The following XKR6 variants were observed in gnomAD, a reference collection of about 807,000 sequenced individuals.
XKR6 encodes the protein XK related 6.
A neutral mutation model predicts 56.7 loss-of-function variants in XKR6; 22 were observed. The observed-to-expected ratio is 0.39, with a 90% CI of 0.28 to 0.55. The LOEUF (loss-of-function observed/expected upper bound fraction) is 0.55. Ranked by LOEUF, XKR6 falls within the 20% of genes least tolerant of loss-of-function variation. The pLI, the probability that XKR6 is intolerant of heterozygous loss-of-function variation, is 0.66. For synonymous variants in XKR6, 524 were observed against 387.8 expected, an observed-to-expected ratio of 1.35 and a Z score of -4.13; for missense variants, 852 against 889.0, an observed-to-expected ratio of 0.96 and a Z score of 0.53.
chr8:11,168,783 A>G (rs1413431232), intron 1 of XKR6, among the ~76,000 whole-genome samples: 1 of 152,180 alleles, frequency 6.6e-6, no homozygotes, highest in Admixed American at 6.5e-5. Context: ...AGGCACAGAT[A>G]AGAAAACTCG....
chr8:11,029,990 C>T (rs1798955301), intron 1 of XKR6, among the ~76,000 whole-genome samples: 5 of 152,156 alleles, frequency 3.3e-5, no homozygotes, highest in African/African-American at 9.7e-5. Context: ...TCTGCAACAG[C>T]AATACCACCC....
intron 1 of XKR6, among the ~76,000 whole-genome samples, chr8:10,970,040 C>A (rs1232686158): frequency 6.6e-6 from 1 of 152,226 alleles, no homozygotes; most frequent in East Asian, 1.9e-4. Flanking sequence ...AAATGCTCGC[C>A]ACAGATGGGT....
At chr8:11,193,462 G>T (rs745901807) in intron 1 of XKR6, among the ~76,000 whole-genome samples, 4 of 152,090 alleles carry the variant, frequency 2.6e-5, no homozygotes, top group African/African-American at 4.8e-5. Context: ...ATCTCATGTA[G>T]AATTTTATGT....
rs552097212 is a variant in XKR6, at chr8:11,029,188, T to C, written c.765-104358A>G. Among the ~76,000 whole-genome samples the C allele has an allele frequency of 2.6e-3, 391 of 152,244 alleles. 22 individuals are homozygous for C. The South Asian group carries it at 0.077, about 30-fold the overall frequency. Reference sequence around the variant, plus strand: ...TCCCTCCCAGGCCCCTTCACTCTCATAGTCCCAATTTTCCTTCTGGGCTGT... The same window carrying C: ...TCCCTCCCAGGCCCCTTCACTCTCACAGTCCCAATTTTCCTTCTGGGCTGT... On this transcript the variant is annotated intron_variant, in intron 1 of 2. Coordinates refer to ENST00000416569, the MANE Select transcript of XKR6 (RefSeq NM_173683.4).
chr8:11,178,405 G>T (rs1168919929), intron 1 of XKR6, among the ~76,000 whole-genome samples: 1 of 151,694 alleles, frequency 6.6e-6, no homozygotes, highest in Non-Finnish European at 1.5e-5. Flanking sequence ...CTATGAAAGA[G>T]CACCACCTGA....
chr8:11,120,047 G>C (rs1799370245), intron 1 of XKR6, among the ~76,000 whole-genome samples: 1 of 152,068 alleles, frequency 6.6e-6, no homozygotes, highest in South Asian at 2.1e-4. Flanking sequence ...AAAATAATAA[G>C]AGCTATCTAT....
At chr8:10,976,976 C>A (rs1312881659) in intron 1 of XKR6, among the ~76,000 whole-genome samples, 1 of 152,112 alleles carries the variant, frequency 6.6e-6, no homozygotes, top group African/African-American at 2.4e-5. Flanking sequence ...GGTCGTCTTC[C>A]CCAGCCCATC....
intron 1 of XKR6, among the ~76,000 whole-genome samples, chr8:11,033,459 G>C (rs913789367): frequency 3.3e-5 from 5 of 151,922 alleles, no homozygotes; most frequent in African/African-American, 1.2e-4. Flanking sequence ...TGATGATGAT[G>C]GTAATGATGG....
At chr8:10,998,785 G>A (rs1258106637) in intron 1 of XKR6, among the ~76,000 whole-genome samples, 1 of 152,174 alleles carries the variant, frequency 6.6e-6, no homozygotes, top group East Asian at 1.9e-4. Context: ...TTTTGGTGGT[G>A]GACTCACTAG....
chr8:11,042,360 G>C (rs923071114), intron 1 of XKR6, among the ~76,000 whole-genome samples: 2 of 152,184 alleles, frequency 1.3e-5, no homozygotes, highest in East Asian at 3.9e-4. Flanking sequence ...TCATGGGAGG[G>C]ACCCGGTGGG....
intron 1 of XKR6, among the ~76,000 whole-genome samples, chr8:11,159,035 A>C (rs1321807481): frequency 6.6e-6 from 1 of 152,176 alleles, no homozygotes; most frequent in African/African-American, 2.4e-5. Flanking sequence ...TACCATTTAC[A>C]AGCTGTATGA....
intron 1 of XKR6, among the ~76,000 whole-genome samples, chr8:11,122,918 T>G (rs138422003): frequency 0.011 from 1,615 of 152,212 alleles, 17 homozygotes; most frequent in Middle Eastern, 0.037. Flanking sequence ...ACTAACACAA[T>G]AAGTTAAAAT....
At chr8:11,069,611 C>A (rs1018276522) in intron 1 of XKR6, among the ~76,000 whole-genome samples, 2 of 152,072 alleles carry the variant, frequency 1.3e-5, no homozygotes, top group Non-Finnish European at 2.9e-5. Flanking sequence ...AAAGAAAGCA[C>A]CCTAGAGTGC....
At chr8:11,095,774 G>C (rs1338910270) in intron 1 of XKR6, among the ~76,000 whole-genome samples, 1 of 152,200 alleles carries the variant, frequency 6.6e-6, no homozygotes, top group African/African-American at 2.4e-5. Context: ...CCAGGCACTG[G>C]TAACATTTAA....
In XKR6 at chr8:10,964,907, C is replaced by T. The variant is rs926907025; in HGVS notation, c.765-40077G>A. 8.5e-5 allele frequency among the ~76,000 whole-genome samples: 13 copies of T among 152,348 alleles called. No individual in the cohort carries two copies. The East Asian group carries it at 1.9e-3, about 23-fold the overall frequency. Reference sequence around the variant, plus strand: ...TGCATTCGGACTTAGTTTCCCCGGCCAGCGCTCCAGGGCGCTGTTAAACCC... The same window carrying T: ...TGCATTCGGACTTAGTTTCCCCGGCTAGCGCTCCAGGGCGCTGTTAAACCC... On this transcript the variant is annotated intron_variant, in intron 1 of 2. Transcript: ENST00000416569.
At chr8:10,952,527 C>T (rs899238068) in intron 1 of XKR6, among the ~76,000 whole-genome samples, 2 of 152,212 alleles carry the variant, frequency 1.3e-5, no homozygotes, top group Non-Finnish European at 2.9e-5. Context: ...GATCACAGCT[C>T]ACTGCAGCCT....
intron 1 of XKR6, among the ~76,000 whole-genome samples, chr8:11,112,919 A>T (rs921055419): frequency 6.6e-6 from 1 of 152,264 alleles, no homozygotes; most frequent in African/African-American, 2.4e-5. Flanking sequence ...GAGATTAAGC[A>T]GTAAGAAAAT....
chr8:10,910,660 C>A (rs1800324842), intron 2 of XKR6, among the ~76,000 whole-genome samples: 1 of 152,172 alleles, frequency 6.6e-6, no homozygotes, highest in Admixed American at 6.5e-5. Flanking sequence ...CAGGGAAGTA[C>A]CAGACCTCCC....
chr8:11,176,837 G>A (rs994763475), intron 1 of XKR6, among the ~76,000 whole-genome samples: 5 of 152,152 alleles, frequency 3.3e-5, no homozygotes, highest in African/African-American at 1.2e-4. Context: ...TTAGGTAGCT[G>A]GACGCTGGGC....
Sources: allele counts gnomAD v4.1 joint callset (sites outside exome capture counted in the v4.1 genomes callset), GRCh38; gene constraint gnomAD v4.1.1; transcripts MANE v1.5; gene names NCBI Gene and HGNC (gene_info 2026-07-23, HGNC 2026-07-21).